Variants in DISC1 observed in about 807,000 individuals in gnomAD.
The protein encoded by DISC1 is DISC1 scaffold protein.
DISC1 carries 57 observed loss-of-function variants against 84.5 expected under a neutral mutation model. The ratio of observed to expected loss-of-function variants is 0.67; its 90% confidence interval spans 0.55 to 0.84. The LOEUF is 0.84. Among genes scored for constraint, DISC1 ranks in the 40% least tolerant of loss-of-function variants. The pLI is 0.00. For synonymous variants in DISC1, 411 were observed against 415.2 expected (o/e 0.99, Z 0.12); for missense variants, 1,000 against 1,057.8 (o/e 0.95, Z 0.76).
intron 9 of DISC1, among the ~76,000 whole-genome samples, chr1:231,919,430 G>A (rs2126075574): frequency 6.6e-6 from 1 of 152,294 alleles, no homozygotes; most frequent in Non-Finnish European, 1.5e-5. Context: ...TGAATGTCAG[G>A]TCAAATGGGC....
intron 10 of DISC1, among the ~76,000 whole-genome samples, chr1:231,979,922 A>G (rs1392453154): frequency 6.6e-6 from 1 of 152,166 alleles, no homozygotes; most frequent in African/African-American, 2.4e-5. Context: ...TTAAACCACC[A>G]ACTCGATGCA....
chr1:231,722,826 C>T, intron 3 of DISC1: 3 of 1,436,678 alleles, frequency 2.1e-6, no homozygotes, highest in Non-Finnish European at 2.7e-6. Context: ...GCATTTCTGC[C>T]CACTGTACCG....
rs2076234110 is a variant in DISC1, at chr1:231,767,261, C to T, written c.1390C>T (p.Gln464Ter). Residue 464 changes from glutamine to a stop codon, truncating the protein, a stop_gained, in exon 5 of 13, where the codon CAG becomes TAG. Coordinates refer to ENST00000439617, the MANE Select transcript of DISC1 (RefSeq NM_018662.3). LOFTEE classifies it high-confidence loss of function. ...AGACTGGCTTCTTCAGGAAAAGCAG[C>T]AGCTACAGGTGAGCAGGTGAAAGAT... ...RRDWLLQEKQQLQKEIEALQA... is the reference protein window; with the variant it reads ...RRDWLLQEKQ The T allele has an allele frequency of 6.2e-7, 1 of 1,614,174 alleles. No homozygotes were observed. Among genetic ancestry groups the T allele is most frequent in the Non-Finnish European group, 8.5e-7 (1 of 1,180,036 alleles).
At chr1:231,806,587 G>A (rs566397327) in intron 8 of DISC1, among the ~76,000 whole-genome samples, 2 of 152,316 alleles carry the variant, frequency 1.3e-5, no homozygotes, top group South Asian at 2.1e-4. Context: ...CCTGAAGCAG[G>A]TCTGACCTAA....
chr1:231,840,099 C>A (rs558269012), intron 9 of DISC1, among the ~76,000 whole-genome samples: 33 of 152,164 alleles, frequency 2.2e-4, no homozygotes, highest in Non-Finnish European at 4.6e-4. Context: ...ACATTGCACA[C>A]CTATTATAGC....
At position 231,650,395 on chromosome 1, in the gene DISC1, C is replaced by G. The variant is rs185483389; in HGVS notation, c.67+23461C>G. Among the ~76,000 whole-genome samples the G allele has an allele frequency of 3.6e-3, 543 of 152,370 alleles. 4 individuals are homozygous for G. Among genetic ancestry groups the G allele is most frequent in the African/African-American group, 0.013 (524 of 41,580 alleles). On this transcript the variant is annotated intron_variant, in intron 1 of 12. Transcript: ENST00000439617. ...TAAGAATATTGAATATTGGCCCCCA[C>G]TCTCTTCTGGCTTGTAGAGTTTCTG... is the stretch of plus-strand genomic sequence containing the variant.
intron 1 of DISC1, among the ~76,000 whole-genome samples, chr1:231,676,418 C>G (rs771635485): frequency 3.0e-4 from 46 of 152,320 alleles, no homozygotes; most frequent in Non-Finnish European, 4.4e-4. Flanking sequence ...CTCCAGCCTC[C>G]ACTTCTACAC....
intron 9 of DISC1, among the ~76,000 whole-genome samples, chr1:231,880,762 G>A (rs2086234381): frequency 6.6e-6 from 1 of 151,748 alleles, no homozygotes; most frequent in Admixed American, 6.6e-5. Flanking sequence ...AAGGTGGGGG[G>A]GGGGTGAAAT....
chr1:232,022,533 C>G (rs776252868), intron 11 of DISC1, among the ~76,000 whole-genome samples: 8 of 152,080 alleles, frequency 5.3e-5, no homozygotes, highest in Non-Finnish European at 7.4e-5. Context: ...GTCTCGATCT[C>G]TTGACCTTGT....
intron 9 of DISC1, among the ~76,000 whole-genome samples, chr1:231,914,979 G>A (rs2089506983): frequency 6.6e-6 from 1 of 152,192 alleles, no homozygotes; most frequent in African/African-American, 2.4e-5. Context: ...GCAACAAGGA[G>A]TTGGTAGTTG....
rs1257360020 is a variant in DISC1 at position 231,629,640 on chromosome 1, T to C, written c.67+2706T>C. On this transcript the variant is annotated intron_variant, in intron 1 of 12. Coordinates refer to ENST00000439617, the MANE Select transcript of DISC1 (RefSeq NM_018662.3). Reference sequence around the variant, plus strand: ...ACAAATAGCTTGGTGTCTCTGTCCTTGTAACCCATTTCTATGCTGCATGCA... The same window carrying C: ...ACAAATAGCTTGGTGTCTCTGTCCTCGTAACCCATTTCTATGCTGCATGCA... 2 of 152,730 alleles carry C rather than the reference T, an allele frequency of 1.3e-5. 1 individual carries two copies. The highest frequency in any genetic ancestry group is 1.3e-4 in the Admixed American group (2 of 15,304). 9.5% of individuals were successfully genotyped at this position (152,730 alleles called of 1,614,324 possible).
At chr1:231,666,236 C>T (rs961317323) in intron 1 of DISC1, among the ~76,000 whole-genome samples, 4 of 139,816 alleles carry the variant, frequency 2.9e-5, no homozygotes, top group African/African-American at 1.1e-4. Context: ...CATATTAAAG[C>T]AAAAGCCATT....
At chr1:231,744,298 G>A (rs959572845) in intron 3 of DISC1, among the ~76,000 whole-genome samples, 1 of 152,152 alleles carries the variant, frequency 6.6e-6, no homozygotes, top group Non-Finnish European at 1.5e-5. Flanking sequence ...AGGGTGAAGA[G>A]GATCAAGGTC....
intron 4 of DISC1, among the ~76,000 whole-genome samples, chr1:231,765,725 A>G (rs996292835): frequency 6.6e-6 from 1 of 152,174 alleles, no homozygotes; most frequent in Admixed American, 6.5e-5. Flanking sequence ...CCTGTGCCAC[A>G]TTTTCACTAG....
intron 11 of DISC1, among the ~76,000 whole-genome samples, chr1:232,016,144 C>T (rs1283812885): frequency 2.6e-5 from 4 of 152,170 alleles, no homozygotes; most frequent in African/African-American, 9.7e-5. Context: ...TAAACGCTGA[C>T]ATTTAAAAAC....
chr1:231,653,297 A>G (rs1283414577), intron 1 of DISC1, among the ~76,000 whole-genome samples: 2 of 152,190 alleles, frequency 1.3e-5, no homozygotes, highest in African/African-American at 2.4e-5. Flanking sequence ...CCATTTGCTG[A>G]TGGTTACCTT....
chr1:231,893,175 C>CAA (rs905313244), intron 9 of DISC1, among the ~76,000 whole-genome samples: 2 of 151,488 alleles, frequency 1.3e-5, no homozygotes, highest in Middle Eastern at 3.4e-3. Flanking sequence ...AAAACAAAAA[C>CAA]AAAAAACAAT....
Position 232,009,810 on chromosome 1 carries a change from C to T in DISC1, c.2307+761C>T, listed in dbSNP as rs978328915. ...TGAGTCTTCAGAGCTCTTTGTTGGC[C>T]CAGGTTCACAGGTGTTGTGAGTGTG... On this transcript the variant is annotated intron_variant, in intron 11 of 12. Coordinates refer to ENST00000439617, the MANE Select transcript of DISC1 (RefSeq NM_018662.3). This position sits in a 1 kb window ranked among gnomAD's most constrained non-coding sequence, Gnocchi z 4.6. Among the ~76,000 whole-genome samples the T allele has an allele frequency of 2.6e-5, 4 of 152,032 alleles. No individual in the cohort carries two copies. Among genetic ancestry groups the T allele is most frequent in the Admixed American group, 6.6e-5 (1 of 15,258 alleles).
At chr1:231,846,473 A>G (rs1206708694) in intron 9 of DISC1, among the ~76,000 whole-genome samples, 2 of 152,234 alleles carry the variant, frequency 1.3e-5, no homozygotes, top group East Asian at 3.8e-4. Flanking sequence ...GTGGAAAAAG[A>G]GTCTCTGTCC....
Sources: gnomAD v4.1 joint callset for allele counts (sites outside exome capture counted in the v4.1 genomes callset) on GRCh38, gnomAD v4.1.1 for gene constraint, Gnocchi (gnomAD v3.1) non-coding constraint, MANE v1.5 for transcripts, NCBI Gene and HGNC (gene_info 2026-07-23, HGNC 2026-07-21) for gene names.